The following PBLD variants were observed in gnomAD, a reference collection of about 807,000 sequenced individuals.
PBLD encodes phenazine biosynthesis-like domain-containing protein.
In PBLD, 26 loss-of-function variants were observed where a neutral mutation model predicts 31.3. The observed-to-expected ratio is 0.83, with a 90% CI of 0.61 to 1.15. The LOEUF is 1.15. Ranked by LOEUF, PBLD falls within the 50% of genes most tolerant of loss-of-function variation. The pLI, the probability that PBLD is intolerant of heterozygous loss-of-function variation, is 0.00. For missense variants in PBLD, 307 were observed against 351.7 expected (o/e 0.87, Z 1.02); for synonymous variants, 114 against 129.0 (o/e 0.88, Z 0.79).
chr10:68,295,558 C>T (rs895443278), intron 4 of PBLD, among the ~76,000 whole-genome samples: 4 of 151,496 alleles, frequency 2.6e-5, no homozygotes, highest in Admixed American at 1.3e-4. Context: ...AATGTGGGAG[C>T]GGAAATAATT....
At chr10:68,295,606 G>A (rs1016783191) in intron 4 of PBLD, among the ~76,000 whole-genome samples, 2 of 151,904 alleles carry the variant, frequency 1.3e-5, no homozygotes, top group Non-Finnish European at 2.9e-5. Flanking sequence ...ATCTCATATC[G>A]TATGAGATGA....
At chr10:68,315,004 G>T (rs2044718599) in intron 1 of PBLD, among the ~76,000 whole-genome samples, 1 of 151,984 alleles carries the variant, frequency 6.6e-6, no homozygotes, top group Admixed American at 6.6e-5. Context: ...TGGTCAGGCT[G>T]GTCTCGAACT....
chr10:68,288,420 A>G, intron 8 of PBLD, 63 bp downstream of exon 8: 5 of 1,552,780 alleles, frequency 3.2e-6, no homozygotes, highest in Non-Finnish European at 4.4e-6. Context: ...GTGCACTTAA[A>G]TAACTATTTG....
chr10:68,288,252 T>A, intron 8 of PBLD: 1 of 518,090 alleles, frequency 1.9e-6, no homozygotes, highest in Non-Finnish European at 3.4e-6. Context: ...AAGCTAGGAA[T>A]GTAAACCCAG....
intron 1 of PBLD, among the ~76,000 whole-genome samples, chr10:68,316,581 A>T (rs1260708544): frequency 1.3e-5 from 2 of 152,250 alleles, no homozygotes; most frequent in Non-Finnish European, 2.9e-5. Context: ...ACTCGAAGAA[A>T]TAAATGGTCA....
intron 9 of PBLD, 147 bp from the exon 10 acceptor site, chr10:68,284,436 C>G: frequency 1.5e-6 from 1 of 651,380 alleles, no homozygotes; most frequent in Non-Finnish European, 2.6e-6. Flanking sequence ...CTGCCCACTC[C>G]CATCCCCATT....
intron 1 of PBLD, among the ~76,000 whole-genome samples, chr10:68,309,642 T>C (rs1321589127): frequency 6.8e-6 from 1 of 147,912 alleles, no homozygotes; most frequent in Admixed American, 6.9e-5. Context: ...ACCCTGCCTG[T>C]ACTAAAAATA....
At chr10:68,318,983 G>A (rs938823496) in intron 1 of PBLD, among the ~76,000 whole-genome samples, 2 of 150,210 alleles carry the variant, frequency 1.3e-5, no homozygotes, top group African/African-American at 2.5e-5. Flanking sequence ...AAGAAGGAAG[G>A]AAGTTAGGAA....
rs184994772 is a variant in PBLD at position 68,298,853 on chromosome 10, T to C, written c.85-1868A>G. 2.8e-4 allele frequency among the ~76,000 whole-genome samples: 43 copies of C among 151,868 alleles called. No individual in the cohort carries two copies. The East Asian group carries it at 3.7e-3, about 13-fold the overall frequency. The stretch of plus-strand genomic sequence containing the variant: ...TGGGCGTGGTGGCTCACACCTGTAA[T>C]CCCAGCACCTTAGGAGGCTGAGGCA... On this transcript the variant is annotated intron_variant, in intron 2 of 9. Coordinates refer to ENST00000358769, the MANE Select transcript of PBLD (RefSeq NM_022129.4).
intron 1 of PBLD, among the ~76,000 whole-genome samples, chr10:68,328,095 A>G (rs1249730960): frequency 6.6e-6 from 1 of 152,234 alleles, no homozygotes; most frequent in Non-Finnish European, 1.5e-5. Context: ...TTGAACCATA[A>G]TAAAGGAGAT....
At chr10:68,320,469 GT>G (rs2044817334) in intron 1 of PBLD, among the ~76,000 whole-genome samples, 1 of 152,146 alleles carries the variant, frequency 6.6e-6, no homozygotes, top group Non-Finnish European at 1.5e-5. Context: ...AGGAGTCCCT[GT>G]GGATATCAAA....
chr10:68,301,149 G>A (rs923950308), intron 2 of PBLD, among the ~76,000 whole-genome samples: 6 of 152,162 alleles, frequency 3.9e-5, no homozygotes, highest in African/African-American at 1.4e-4. Flanking sequence ...ACCCACCTCG[G>A]CCTCCCAAAG....
chr10:68,292,164 C>G lies in PBLD; in HGVS notation c.358G>C (p.Val120Leu), dbSNP rs779129965. 6.2e-7 allele frequency: 1 copy of G among 1,613,982 alleles called. No individual in the cohort carries two copies. Among genetic ancestry groups the G allele is most frequent in the Non-Finnish European group, 8.5e-7 (1 of 1,180,012 alleles). Reference protein sequence around the residue: ...LRARRAEDGIVLDLPLYPAHP... With the variant: ...LRARRAEDGILLDLPLYPAHP... The stretch of plus-strand genomic sequence containing the variant: ...GCTGGATAAAGAGGCAAGTCCAGGA[C>G]GATGCCATCCTCTGCTCGTCTGGCC... The change falls in exon 5 of 10, where the codon GTC becomes CTC. Residue 120 changes from valine to leucine, a missense_variant. By Grantham distance (32) the Val-to-Leu change is conservative. Transcript: ENST00000358769.
chr10:68,332,141 A>C (rs1332279461), intron 1 of PBLD: 1 of 152,292 alleles, frequency 6.6e-6, no homozygotes, highest in African/African-American at 2.4e-5. Flanking sequence ...CGAGCGCTAC[A>C]CGAGGCAAAC....
chr10:68,328,368 C>G (rs186650199), intron 1 of PBLD, among the ~76,000 whole-genome samples: 1 of 152,308 alleles, frequency 6.6e-6, no homozygotes, highest in African/African-American at 2.4e-5. Flanking sequence ...TCCCTCCCCC[C>G]GAAGAGTGTA....
intron 1 of PBLD, among the ~76,000 whole-genome samples, chr10:68,330,614 G>T (rs1171966097): frequency 6.6e-6 from 1 of 151,458 alleles, no homozygotes; most frequent in African/African-American, 2.4e-5. Context: ...GGCGCGATCT[G>T]GGCTCAATGC....
chr10:68,298,880 G>A (rs1035762994), intron 2 of PBLD, among the ~76,000 whole-genome samples: 4 of 152,030 alleles, frequency 2.6e-5, no homozygotes, highest in African/African-American at 7.3e-5. Flanking sequence ...GCTGAGGCAG[G>A]TGGATCACGA....
chr10:68,306,347 A>G (rs2044578896), intron 2 of PBLD, among the ~76,000 whole-genome samples: 1 of 152,186 alleles, frequency 6.6e-6, no homozygotes, highest in Non-Finnish European at 1.5e-5. Flanking sequence ...AAGAATTTCT[A>G]ATTGCCTGAG....
chr10:68,317,525 T>C (rs2044751056), intron 1 of PBLD, among the ~76,000 whole-genome samples: 1 of 152,008 alleles, frequency 6.6e-6, no homozygotes, highest in African/African-American at 2.4e-5. Flanking sequence ...ATGCCAGGTG[T>C]GGTGGCTCAC....
Sources: gnomAD v4.1 joint callset for allele counts (sites outside exome capture counted in the v4.1 genomes callset) on GRCh38, gnomAD v4.1.1 for gene constraint, MANE v1.5 for transcripts, NCBI Gene and HGNC (gene_info 2026-07-23, HGNC 2026-07-21) for gene names.